The following VTA1 variants were observed in gnomAD, a reference collection of about 807,000 sequenced individuals.
VTA1 encodes the protein vacuolar protein sorting-associated protein VTA1 homolog.
In VTA1, 24 loss-of-function variants were observed where a neutral mutation model predicts 36.9. The ratio of observed to expected loss-of-function variants is 0.65; its 90% CI spans 0.47 to 0.91. VTA1 has a LOEUF of 0.91. Among genes scored for constraint, VTA1 ranks in the 40% least tolerant of loss-of-function variants. The pLI is 0.00. For synonymous variants in VTA1, 142 were observed against 130.2 expected (o/e 1.09, Z -0.62); for missense variants, 393 against 377.2 (o/e 1.04, Z -0.35).
chr6:142,194,463 G>A (rs991402218), intron 5 of VTA1, among the ~76,000 whole-genome samples: 1 of 151,856 alleles, frequency 6.6e-6, no homozygotes, highest in African/African-American at 2.4e-5. Context: ...TTGAAGTAGA[G>A]GTTTTTACCT....
intron 2 of VTA1, among the ~76,000 whole-genome samples, 199 bp downstream of exon 2, chr6:142,166,521 T>G (rs1461122162): frequency 6.6e-6 from 1 of 152,180 alleles, no homozygotes; most frequent in Non-Finnish European, 1.5e-5. Context: ...TTAATTAAAG[T>G]ATGTTCAAGT....
In VTA1 at chr6:142,224,507, T is replaced by C. The variant is rs1229164141; in HGVS notation, c.*5864T>C. On this transcript the variant is annotated 3_prime_UTR_variant, in exon 8 of 8. Transcript: ENST00000367630. Reference sequence around the variant, plus strand: ...ATGTATCACGTAAGTTAAACTTTATTTATTTACATGTGTCTCCCTCATTAG... The same window carrying C: ...ATGTATCACGTAAGTTAAACTTTATCTATTTACATGTGTCTCCCTCATTAG... The C allele has an allele frequency of 6.6e-6, 1 of 152,196 alleles. No individual in the cohort carries two copies. Among genetic ancestry groups the C allele is most frequent in the African/African-American group, 2.4e-5 (1 of 41,448 alleles). The allele number at this position is 152,196 out of a possible 1,614,324, so 9.4% of individuals were successfully genotyped here. A position where few individuals can be genotyped will look rare whatever the true frequency, so the allele number is the denominator to read the frequency against.
At chr6:142,199,728 A>C (rs1227855925) in intron 6 of VTA1, among the ~76,000 whole-genome samples, 1 of 152,140 alleles carries the variant, frequency 6.6e-6, no homozygotes, top group Non-Finnish European at 1.5e-5. Context: ...GTTTTCTTTA[A>C]GATTATTGAT....
chr6:142,181,094 A>AAAAAAATATATATATAT (rs1471429927), intron 4 of VTA1, among the ~76,000 whole-genome samples: 52 of 36,394 alleles, frequency 1.4e-3, no homozygotes, highest in Non-Finnish European at 2.0e-3. Flanking sequence ...AAAAAAAAAA[A>AAAAAAATATATATATAT]ATATATATAT....
chr6:142,154,603 G>A (rs1253419980), intron 1 of VTA1, among the ~76,000 whole-genome samples: 1 of 152,034 alleles, frequency 6.6e-6, no homozygotes, highest in Non-Finnish European at 1.5e-5. Context: ...ATGAATAAGT[G>A]ATAGAGTTTC....
chr6:142,186,005 G>T (rs904679962), intron 4 of VTA1, among the ~76,000 whole-genome samples: 13 of 152,144 alleles, frequency 8.5e-5, no homozygotes, highest in African/African-American at 3.1e-4. Flanking sequence ...AGGACACTTT[G>T]TCAGCATCCT....
chr6:142,172,207 C>A (rs1775040642), intron 4 of VTA1, among the ~76,000 whole-genome samples: 1 of 152,166 alleles, frequency 6.6e-6, no homozygotes, highest in Non-Finnish European at 1.5e-5. Context: ...GATGGGGTTT[C>A]ACTGTGTTGG....
chr6:142,183,627 GATGTTTA>G (rs1276526540), intron 4 of VTA1, among the ~76,000 whole-genome samples: 6 of 152,116 alleles, frequency 3.9e-5, no homozygotes, highest in African/African-American at 1.4e-4. Flanking sequence ...TCTTAGAAAG[GATGTTTA>G]ATCAGCCAAA....
At chr6:142,217,670 T>C (rs1273013697) in intron 7 of VTA1, among the ~76,000 whole-genome samples, 1 of 152,002 alleles carries the variant, frequency 6.6e-6, no homozygotes, top group African/African-American at 2.4e-5. Context: ...AAATATGTTG[T>C]CTGCTTGTTA....
intron 1 of VTA1, 68 bp downstream of exon 1, chr6:142,147,467 A>G: frequency 6.8e-7 from 1 of 1,478,536 alleles, no homozygotes. Flanking sequence ...CACCTCCCTG[A>G]GGTTCTTGGG....
At chr6:142,207,233 T>G (rs1160685875) in intron 7 of VTA1, among the ~76,000 whole-genome samples, 1 of 152,128 alleles carries the variant, frequency 6.6e-6, no homozygotes, top group African/African-American at 2.4e-5. Flanking sequence ...CCTCATAATT[T>G]CTACACTGAA....
intron 2 of VTA1, among the ~76,000 whole-genome samples, chr6:142,167,034 A>G (rs11967631): frequency 0.027 from 4,064 of 152,304 alleles, 182 homozygotes; most frequent in African/African-American, 0.091. Context: ...AGTGAAAGGA[A>G]CAATGAAGGA....
intron 4 of VTA1, among the ~76,000 whole-genome samples, chr6:142,173,873 G>A (rs1582885185): frequency 6.6e-6 from 1 of 152,146 alleles, no homozygotes; most frequent in African/African-American, 2.4e-5. Context: ...GTGAGATTGG[G>A]GTGATGGGAT....
intron 7 of VTA1, among the ~76,000 whole-genome samples, chr6:142,213,686 G>A (rs76817697): frequency 0.014 from 2,150 of 152,256 alleles, 45 homozygotes; most frequent in African/African-American, 0.049. Flanking sequence ...TGCCTTCTGC[G>A]CACCCATAGG....
At chr6:142,192,340 C>T (rs1235261441) in intron 5 of VTA1, among the ~76,000 whole-genome samples, 2 of 151,852 alleles carry the variant, frequency 1.3e-5, no homozygotes, top group Non-Finnish European at 2.9e-5. Flanking sequence ...CAATGATGTT[C>T]GGTAGCTTAG....
At chr6:142,166,887 A>G (rs1455087609) in intron 2 of VTA1, among the ~76,000 whole-genome samples, 1 of 152,100 alleles carries the variant, frequency 6.6e-6, no homozygotes, top group Non-Finnish European at 1.5e-5. Flanking sequence ...CAGCCTCCCA[A>G]AGTGCTGGGA....
chr6:142,179,100 CAA>C (rs979112682), intron 4 of VTA1, among the ~76,000 whole-genome samples: 2 of 151,406 alleles, frequency 1.3e-5, no homozygotes, highest in African/African-American at 4.9e-5. Context: ...CAAAAATCAA[CAA>C]AAAAAGAAAA....
chr6:142,167,916 CT>C (rs2114643328), intron 2 of VTA1, among the ~76,000 whole-genome samples: 1 of 152,322 alleles, frequency 6.6e-6, no homozygotes, highest in African/African-American at 2.4e-5. Flanking sequence ...TATAATGTCT[CT>C]TTATTAACTT....
At chr6:142,152,261 G>C (rs534872805) in intron 1 of VTA1, among the ~76,000 whole-genome samples, 9 of 152,256 alleles carry the variant, frequency 5.9e-5, no homozygotes, top group Admixed American at 5.9e-4. Context: ...TTGAGAAAAT[G>C]AGTAATGATG....
Sources: allele counts gnomAD v4.1 joint callset (sites outside exome capture counted in the v4.1 genomes callset), GRCh38; gene constraint gnomAD v4.1.1; transcripts MANE v1.5; gene names NCBI Gene and HGNC (gene_info 2026-07-23, HGNC 2026-07-21).